Variants in SPCS1 observed in about 807,000 individuals in gnomAD.
The protein encoded by SPCS1 is SPase 12 kDa subunit.
Under a neutral mutation model 16.4 loss-of-function variants are expected in SPCS1, and 10 were observed. That is an observed-to-expected ratio of 0.61 (90% CI 0.38 to 1.03). The LOEUF is 1.03. SPCS1 is among the 50% of genes least tolerant of loss of function. The pLI is 0.01. For missense variants in SPCS1, 118 were observed against 123.8 expected, an observed-to-expected ratio of 0.95 and a Z score of 0.22; for synonymous variants, 47 against 42.5, an observed-to-expected ratio of 1.10 and a Z score of -0.41.
intron 3 of SPCS1, 69 bp from the exon 4 acceptor site, chr3:52,707,618 G>A (rs557182731): frequency 6.5e-7 from 1 of 1,533,260 alleles, no homozygotes; most frequent in South Asian, 1.2e-5. Context: ...TGGGAACCTG[G>A]CATTATACGT....
At position 52,709,700 on chromosome 3, in the gene SPCS1, C is replaced by CAAAAAAAAAAAAAAA. The variant is rs374943793; in HGVS notation, c.*1896_*1910dup. 1.5e-5 allele frequency: 1 copy of CAAAAAAAAAAAAAAA among 65,380 alleles called. No homozygotes were observed. Among genetic ancestry groups the CAAAAAAAAAAAAAAA allele is most frequent in the Non-Finnish European group, 2.8e-5 (1 of 35,846 alleles). 4.0% of individuals were successfully genotyped at this position (65,380 alleles called of 1,614,324 possible). A position where few individuals can be genotyped will look rare whatever the true frequency, so the allele number is the denominator to read the frequency against. ...TGGGTGACAGAGCAAGACCCTGTCTCAAAAAAAAAAAAAAAAAAAAAAGAT... is the reference window on the plus strand; with the variant it reads ...TGGGTGACAGAGCAAGACCCTGTCTCAAAAAAAAAAAAAAAAAAAAAAAAAAAAAAAAAAAAAGAT... On this transcript the variant is annotated 3_prime_UTR_variant, in exon 4 of 4. Coordinates refer to ENST00000619898, the MANE Select transcript of SPCS1 (RefSeq NM_014041.5).
intron 1 of SPCS1, 95 bp from the exon 2 acceptor site, chr3:52,706,549 T>C (rs1028766530): frequency 4.2e-5 from 51 of 1,200,536 alleles, no homozygotes; most frequent in South Asian, 8.7e-5. Flanking sequence ...GACCCTGATG[T>C]TGGGGTTACC....
chr3:52,706,552 G>A, intron 1 of SPCS1, 92 bp from the exon 2 acceptor site: 2 of 1,224,904 alleles, frequency 1.6e-6, no homozygotes, highest in Non-Finnish European at 2.4e-6. Context: ...CCTGATGTTG[G>A]GGTTACCCTG....
At chr3:52,707,596 A>G (rs2097345920) in intron 3 of SPCS1, 91 bp from the exon 4 acceptor site, 13 of 1,393,382 alleles carry the variant, frequency 9.3e-6, no homozygotes, top group Non-Finnish European at 1.3e-5. Context: ...TTCCCTCAGC[A>G]TAGGAGTCAT....
At chr3:52,706,536 G>C (rs1257590982) in intron 1 of SPCS1, 108 bp from the exon 2 acceptor site, 7 of 1,080,098 alleles carry the variant, frequency 6.5e-6, no homozygotes, top group African/African-American at 1.6e-5. Flanking sequence ...TAGGAGAGCG[G>C]GAGACCCTGA....
rs1309422156 is a variant in SPCS1, at chr3:52,708,190, C to T, written c.*378C>T. ...GCAAGTTCTTTGTCTAAAGGGTCTT[C>T]TGTTGATTATTCTGCAAGGAAGATA... is the stretch of plus-strand genomic sequence containing the variant. On this transcript the variant is annotated 3_prime_UTR_variant, in exon 4 of 4. Transcript: ENST00000619898. The T allele has an allele frequency of 6.3e-6, 1 of 159,060 alleles. No individual in the cohort carries two copies. Among genetic ancestry groups the T allele is most frequent in the Non-Finnish European group, 1.4e-5 (1 of 72,090 alleles). The allele number at this position is 159,060 out of a possible 1,614,324, so 9.9% of individuals were successfully genotyped here. A position where few individuals can be genotyped will look rare whatever the true frequency, so the allele number is the denominator to read the frequency against.
rs1443675614 is a variant in SPCS1, at chr3:52,706,910, T to G, written c.183+31T>G. ...AAATTTGTGGGTATTAGTGGCAGCT[T>G]GGGTTTTGTGAGTCGGGTTGGTTTG... On this transcript the variant is annotated intron_variant, in intron 3 of 3. Coordinates refer to ENST00000619898, the MANE Select transcript of SPCS1 (RefSeq NM_014041.5). 5 of 1,547,662 alleles carry G rather than the reference T, an allele frequency of 3.2e-6. No individual in the cohort carries two copies. In the East Asian group the frequency reaches 1.1e-4, roughly 35 times the overall value.
Position 52,706,231 on chromosome 3 carries a change from GC to G in SPCS1, c.-14del, listed in dbSNP as rs750857270. On this transcript the variant is annotated 5_prime_UTR_variant, in exon 1 of 4. Transcript: ENST00000619898. ...GCCTGCCACCCGCGCTCAGCTGCCCGCCTCCTCAGCCAGCCATGCTGGAGCA... is the reference window on the plus strand; with the variant it reads ...GCCTGCCACCCGCGCTCAGCTGCCCGCTCCTCAGCCAGCCATGCTGGAGCA... 6.3e-7 allele frequency: 1 copy of G among 1,586,340 alleles called. No homozygotes were observed. The highest frequency in any genetic ancestry group is 8.5e-7 in the Non-Finnish European group (1 of 1,174,068).
chr3:52,706,209 T>C lies in SPCS1; in HGVS notation c.-38T>C. On this transcript the variant is annotated 5_prime_UTR_variant, in exon 1 of 4. Transcript: ENST00000619898. ...TCTCGGTCGCCCTCGCCTCGCAGCC[T>C]GCCACCCGCGCTCAGCTGCCCGCCT... The C allele has an allele frequency of 6.4e-7, 1 of 1,572,934 alleles. No individual in the cohort carries two copies. Among genetic ancestry groups the C allele is most frequent in the Non-Finnish European group, 8.6e-7 (1 of 1,166,578 alleles).
rs2097346429 is a variant in SPCS1, at chr3:52,708,051, A to C, written c.*239A>C. 1 of 343,524 alleles carries C rather than the reference A, an allele frequency of 2.9e-6. No individual in the cohort carries two copies. The highest frequency in any genetic ancestry group is 4.2e-5 in the Admixed American group (1 of 23,780). The allele number at this position is 343,524 out of a possible 1,614,324, so 21.3% of individuals were successfully genotyped here. On this transcript the variant is annotated 3_prime_UTR_variant, in exon 4 of 4. Transcript: ENST00000619898. ...AACACACAAGTATGAAGTTTCTTTCAGGTGTAAATAATGAAAAATAAATGC... is the reference window on the plus strand; with the variant it reads ...AACACACAAGTATGAAGTTTCTTTCCGGTGTAAATAATGAAAAATAAATGC...
At position 52,706,803 on chromosome 3, in the gene SPCS1, T is replaced by TG; in HGVS notation, c.107_108insG (p.Phe36LeufsTer8). 3 of 1,613,934 alleles carry TG rather than the reference T, an allele frequency of 1.9e-6. No homozygotes were observed. The highest frequency in any genetic ancestry group is 2.5e-6 in the Non-Finnish European group (3 of 1,179,764). ...TTCATTTGTCTCTAGATAGTTGGAT[T>TG]TATCTACGGGTACGTGGCTGAACAG... On this transcript the variant is annotated frameshift_variant, in exon 3 of 4. Coordinates refer to ENST00000619898, the MANE Select transcript of SPCS1 (RefSeq NM_014041.5). LOFTEE classifies it high-confidence loss of function.
Position 52,706,774 on chromosome 3 carries a change from A to G in SPCS1, c.97-19A>G, listed in dbSNP as rs1049720803. ...AACCCTCAGTTTGAGTGTGTTTAAT[A>G]TACTTCATTTGTCTCTAGATAGTTG... On this transcript the variant is annotated intron_variant, in intron 2 of 3. Coordinates refer to ENST00000619898, the MANE Select transcript of SPCS1 (RefSeq NM_014041.5). 1.2e-6 allele frequency: 2 copies of G among 1,611,970 alleles called. No homozygotes were observed. The highest frequency in any genetic ancestry group is 1.7e-6 in the Non-Finnish European group (2 of 1,178,224).
chr3:52,706,576 A>G, intron 1 of SPCS1, 68 bp from the exon 2 acceptor site: 1 of 1,426,534 alleles, frequency 7.0e-7, no homozygotes, highest in Non-Finnish European at 9.9e-7. Context: ...CAGAGTTGTG[A>G]GGTCAGGGCA....
rs2097347967 is a variant in SPCS1, at chr3:52,709,296, A to G, written c.*1484A>G. The G allele has an allele frequency of 6.6e-6, 1 of 152,230 alleles. No individual in the cohort carries two copies. Among genetic ancestry groups the G allele is most frequent in the Non-Finnish European group, 1.5e-5 (1 of 68,042 alleles). The allele number at this position is 152,230 out of a possible 1,614,324, so 9.4% of individuals were successfully genotyped here. On this transcript the variant is annotated 3_prime_UTR_variant, in exon 4 of 4. Transcript: ENST00000619898. ...TTCGGAAGAAAATTCACAGTCTTAA[A>G]GATGAGTTTTTAAATTAATTTAGGA...
Position 52,708,113 on chromosome 3 carries a change from TATA to T in SPCS1, c.*304_*306del, listed in dbSNP as rs1433089679. ...TAGTACAATGTAACTATCAAAGTTT[TATA>T]ATTCATTATGAGTTAACCATTTTAA... On this transcript the variant is annotated 3_prime_UTR_variant, in exon 4 of 4. Transcript: ENST00000619898. The T allele has an allele frequency of 5.1e-6, 1 of 196,210 alleles. No individual in the cohort carries two copies. The allele number at this position is 196,210 out of a possible 1,614,324, so 12.2% of individuals were successfully genotyped here. A position where few individuals can be genotyped will look rare whatever the true frequency, so the allele number is the denominator to read the frequency against.
At position 52,706,845 on chromosome 3, in the gene SPCS1, A is replaced by G. The variant is rs778072787; in HGVS notation, c.149A>G (p.Tyr50Cys). The stretch of plus-strand genomic sequence containing the variant: ...GCTGAACAGTTCGGGTGGACTGTCT[A>G]TATAGTTATGGCCGGATTTGCTTTT... ...YVAEQFGWTVYIVMAGFAFSC... is the reference protein window; with the variant it reads ...YVAEQFGWTVCIVMAGFAFSC... The change falls in exon 3 of 4, where the codon TAT becomes TGT. Residue 50 changes from tyrosine (Y) to cysteine (C), a missense_variant. Coordinates refer to ENST00000619898, the MANE Select transcript of SPCS1 (RefSeq NM_014041.5). The G allele has an allele frequency of 5.6e-6, 9 of 1,614,038 alleles. No homozygotes were observed. In the South Asian group the frequency reaches 6.6e-5, roughly 12 times the overall value.
chr3:52,706,147 C>G lies in SPCS1; in HGVS notation c.-100C>G. 2 of 1,542,302 alleles carry G rather than the reference C, an allele frequency of 1.3e-6. No homozygotes were observed. The highest frequency in any genetic ancestry group is 8.7e-7 in the Non-Finnish European group (1 of 1,147,672). Reference sequence around the variant, plus strand: ...CGGGCTTAGAAGGCCCGGCTACTGACGCGCAGTGCCAGACCTTACCCCTCA... The same window carrying G: ...CGGGCTTAGAAGGCCCGGCTACTGAGGCGCAGTGCCAGACCTTACCCCTCA... On this transcript the variant is annotated 5_prime_UTR_variant, in exon 1 of 4. Coordinates refer to ENST00000619898, the MANE Select transcript of SPCS1 (RefSeq NM_014041.5).
chr3:52,707,050 G>A (rs2097345345), intron 3 of SPCS1, 171 bp downstream of exon 3: 2 of 641,182 alleles, frequency 3.1e-6, no homozygotes, highest in Non-Finnish European at 5.7e-6. Flanking sequence ...CAGATGGTGC[G>A]AACTATATAA....
chr3:52,706,639 C>T lies in SPCS1; in HGVS notation c.37-5C>T. 1 of 1,613,664 alleles carries T rather than the reference C, an allele frequency of 6.2e-7. No homozygotes were observed. Among genetic ancestry groups the T allele is most frequent in the Non-Finnish European group, 8.5e-7 (1 of 1,179,712 alleles). ...CAATTCTTTTTTTCCTCTGCTTCAC[C>T]CCAGGATTACAAGGGCCAGAAGCTA... On this transcript the variant is annotated splice_polypyrimidine_tract_variant and splice_region_variant and intron_variant, in intron 1 of 3. Transcript: ENST00000619898.
Sources: gnomAD v4.1 joint callset for allele counts on GRCh38, gnomAD v4.1.1 for gene constraint, MANE v1.5 for transcripts, NCBI Gene and HGNC (gene_info 2026-07-23, HGNC 2026-07-21) for gene names.